PEBP4: variants seen among roughly 807,000 people sequenced by gnomAD.
PEBP4 encodes the protein phosphatidylethanolamine-binding protein 4.
A neutral mutation model predicts 23.9 loss-of-function variants in PEBP4; 22 were observed. The observed-to-expected ratio is 0.92, with a 90% CI of 0.66 to 1.31. The LOEUF (loss-of-function observed/expected upper bound fraction) is 1.31. Ranked by LOEUF, PEBP4 falls within the 40% of genes most tolerant of loss-of-function variation. The pLI, the probability that PEBP4 is intolerant of heterozygous loss-of-function variation, is 0.00. For missense variants in PEBP4, 324 were observed against 281.7 expected, an observed-to-expected ratio of 1.15 and a Z score of -1.07; for synonymous variants, 112 against 99.3, an observed-to-expected ratio of 1.13 and a Z score of -0.76.
At chr8:22,878,225 AGAGGGAGG>A (rs1157364561) in intron 3 of PEBP4, 12 of 125,998 alleles carry the variant, frequency 9.5e-5, no homozygotes, top group Admixed American at 1.5e-4. Flanking sequence ...AGGGAGGGGG[AGAGGGAGG>A]GAGGGAGGGA....
intron 3 of PEBP4, among the ~76,000 whole-genome samples, chr8:22,908,012 CAA>C (rs35883467): frequency 1.4e-4 from 19 of 140,086 alleles, no homozygotes; most frequent in South Asian, 2.3e-4. Context: ...GACCCTGTCT[CAA>C]AAAAAAAAAA....
chr8:22,715,128 C>T (rs939851570), intron 6 of PEBP4, among the ~76,000 whole-genome samples: 2 of 152,180 alleles, frequency 1.3e-5, no homozygotes, highest in African/African-American at 2.4e-5. Context: ...AAATCCTATT[C>T]GACTCAGTGA....
chr8:22,920,330 G>A lies in PEBP4; in HGVS notation c.132-20C>T, dbSNP rs367886995. The A allele has an allele frequency of 8.7e-6, 14 of 1,601,340 alleles. No individual in the cohort carries two copies. In the East Asian group the frequency reaches 2.5e-4, roughly 28 times the overall value. On this transcript the variant is annotated intron_variant, in intron 2 of 6. Transcript: ENST00000256404. ...AGGCCCCTATGAAGAGAGAGGGGAG[G>A]TTGCCCTGTGTCAGGGTTTTAAGGG...
chr8:22,846,006 G>A (rs953136954), intron 3 of PEBP4, among the ~76,000 whole-genome samples: 1 of 152,232 alleles, frequency 6.6e-6, no homozygotes, highest in Non-Finnish European at 1.5e-5. Flanking sequence ...GCAGAGACTG[G>A]GACAGCCGCT....
chr8:22,818,392 G>A lies in PEBP4; in HGVS notation c.259-657C>T, dbSNP rs186457913. 6.6e-5 allele frequency among the ~76,000 whole-genome samples: 10 copies of A among 152,286 alleles called. No homozygotes were observed. The East Asian group carries it at 1.9e-3, about 29-fold the overall frequency. On this transcript the variant is annotated intron_variant, in intron 3 of 6. Coordinates refer to ENST00000256404, the MANE Select transcript of PEBP4 (RefSeq NM_144962.3). Reference sequence around the variant, plus strand: ...AATAAAACAGGGTGGGATGAGAGGTGGGAAGTGTTCTGGAAGGAAAAAAAT... The same window carrying A: ...AATAAAACAGGGTGGGATGAGAGGTAGGAAGTGTTCTGGAAGGAAAAAAAT...
At chr8:22,818,554 G>C (rs368971428) in intron 3 of PEBP4, among the ~76,000 whole-genome samples, 1 of 152,142 alleles carries the variant, frequency 6.6e-6, no homozygotes, top group Non-Finnish European at 1.5e-5. Context: ...AGGCCACAGG[G>C]GGCTCTCTAG....
intron 3 of PEBP4, among the ~76,000 whole-genome samples, chr8:22,833,549 C>G (rs1807132947): frequency 6.6e-6 from 1 of 152,180 alleles, no homozygotes; most frequent in Non-Finnish European, 1.5e-5. Context: ...CCAGGCTAGC[C>G]TCGAACTCCT....
At chr8:22,938,631 C>T (rs751847187) in intron 1 of PEBP4, among the ~76,000 whole-genome samples, 14 of 152,276 alleles carry the variant, frequency 9.2e-5, no homozygotes, top group Non-Finnish European at 1.9e-4. Context: ...CTCCATTACC[C>T]CTCGGGGATT....
intron 4 of PEBP4, among the ~76,000 whole-genome samples, chr8:22,735,958 A>G (rs141694070): frequency 4.6e-5 from 7 of 152,378 alleles, no homozygotes; most frequent in African/African-American, 1.7e-4. Context: ...GGATCCTACC[A>G]CATAGAGACA....
At chr8:22,885,747 A>G (rs942109549) in intron 3 of PEBP4, 1 of 152,206 alleles carries the variant, frequency 6.6e-6, no homozygotes, top group Non-Finnish European at 1.5e-5. Context: ...GTCAGGACTC[A>G]TGCATGCAGA....
chr8:22,938,826 C>T (rs1809573293), intron 1 of PEBP4, among the ~76,000 whole-genome samples: 1 of 152,180 alleles, frequency 6.6e-6, no homozygotes, highest in Admixed American at 6.5e-5. Context: ...TGTGAGGGCC[C>T]CATTTGTCTC....
chr8:22,791,293 C>T (rs956725739), intron 4 of PEBP4, among the ~76,000 whole-genome samples: 8 of 152,072 alleles, frequency 5.3e-5, no homozygotes, highest in African/African-American at 1.9e-4. Flanking sequence ...GTCCTGCAGT[C>T]TTCTTTCCTC....
intron 3 of PEBP4, among the ~76,000 whole-genome samples, chr8:22,822,535 T>G (rs750449299): frequency 2.0e-5 from 3 of 152,166 alleles, no homozygotes; most frequent in Non-Finnish European, 2.9e-5. Flanking sequence ...TTTCTTCTTC[T>G]TCTTCTTTTT....
At chr8:22,857,774 T>C (rs750332209) in intron 3 of PEBP4, among the ~76,000 whole-genome samples, 5 of 152,124 alleles carry the variant, frequency 3.3e-5, no homozygotes, top group Non-Finnish European at 7.4e-5. Flanking sequence ...TCTCTCTATC[T>C]ATCTGACTTT....
chr8:22,844,439 A>G (rs572581218), intron 3 of PEBP4, among the ~76,000 whole-genome samples: 110 of 152,170 alleles, frequency 7.2e-4, no homozygotes, highest in African/African-American at 2.5e-3. Flanking sequence ...GGCTTTCTCC[A>G]TGTTGGTCAG....
chr8:22,908,389 CAAACAAAA>C (rs1585337456), intron 3 of PEBP4, among the ~76,000 whole-genome samples: 1 of 139,568 alleles, frequency 7.2e-6, no homozygotes, highest in African/African-American at 2.7e-5. Context: ...AACAAACAAA[CAAACAAAA>C]AAAAAAACCT....
At chr8:22,868,213 C>T (rs73215091) in intron 3 of PEBP4, among the ~76,000 whole-genome samples, 14,751 of 152,182 alleles carry the variant, frequency 0.097, 949 homozygotes, top group Middle Eastern at 0.17. Flanking sequence ...CTGCTGGAGA[C>T]GGGAAAACAC....
At chr8:22,868,610 C>T (rs1257758111) in intron 3 of PEBP4, among the ~76,000 whole-genome samples, 2 of 152,156 alleles carry the variant, frequency 1.3e-5, no homozygotes, top group African/African-American at 4.8e-5. Flanking sequence ...CAAAACATGT[C>T]CCCCTGACCC....
At chr8:22,836,823 T>A (rs1807214346) in intron 3 of PEBP4, among the ~76,000 whole-genome samples, 1 of 151,684 alleles carries the variant, frequency 6.6e-6, no homozygotes, top group Non-Finnish European at 1.5e-5. Flanking sequence ...TGTCAAATGA[T>A]GAATTAAGAT....
Sources: gnomAD v4.1 joint callset for allele counts (sites outside exome capture counted in the v4.1 genomes callset) on GRCh38, gnomAD v4.1.1 for gene constraint, MANE v1.5 for transcripts, NCBI Gene and HGNC (gene_info 2026-07-23, HGNC 2026-07-21) for gene names.